Variants in DNAJC1 observed in about 807,000 individuals in gnomAD.
DNAJC1 encodes the protein dnaJ homolog subfamily C member 1.
Under a neutral mutation model 76.6 loss-of-function variants are expected in DNAJC1, and 58 were observed. That is an observed-to-expected ratio of 0.76 (90% CI 0.61 to 0.94). The LOEUF (loss-of-function observed/expected upper bound fraction) is 0.94. Among genes scored for constraint, DNAJC1 ranks in the 40% least tolerant of loss-of-function variants. DNAJC1 has a pLI of 0.00. For missense variants in DNAJC1, 689 were observed against 677.3 expected (o/e 1.02, Z -0.19); for synonymous variants, 258 against 267.9 (o/e 0.96, Z 0.36).
chr10:21,851,390 G>A (rs998869153), intron 8 of DNAJC1, among the ~76,000 whole-genome samples: 5 of 152,082 alleles, frequency 3.3e-5, no homozygotes, highest in African/African-American at 1.2e-4. Context: ...TACTCACTAG[G>A]GGAATGCAAA....
In DNAJC1 at chr10:21,756,743, C is replaced by T. The variant is rs933879290; in HGVS notation, c.1609G>A (p.Ala537Thr). The change falls in exon 12 of 12, where the codon GCT (alanine) becomes ACT (threonine). Residue 537 changes from alanine (A) to threonine (T), a missense_variant. By Grantham distance (58) the Ala-to-Thr change is moderately conservative. Transcript: ENST00000376980. The part of the protein sequence containing the change: ...VPSKSKEDCI[A>T]RYKLLVELVQ... The stretch of plus-strand genomic sequence containing the variant: ...AGTTCAACCAGCAACTTGTACCTAG[C>T]GATACAGTCTTCCTGTAGGAAGAAA... 3.1e-6 allele frequency: 5 copies of T among 1,613,292 alleles called. No homozygotes were observed. The highest frequency in any genetic ancestry group is 2.2e-5 in the East Asian group (1 of 44,890).
At chr10:21,909,347 G>C (rs1052799858) in intron 6 of DNAJC1, among the ~76,000 whole-genome samples, 1 of 152,104 alleles carries the variant, frequency 6.6e-6, no homozygotes, top group Non-Finnish European at 1.5e-5. Flanking sequence ...ATTAAACAGG[G>C]ATATTTATGC....
At chr10:21,892,805 A>G (rs1836480516) in intron 7 of DNAJC1, among the ~76,000 whole-genome samples, 1 of 152,198 alleles carries the variant, frequency 6.6e-6, no homozygotes, top group South Asian at 2.1e-4. Flanking sequence ...GAGACATTAT[A>G]TAATGATAAA....
chr10:21,950,201 G>A (rs1837569067), intron 1 of DNAJC1, among the ~76,000 whole-genome samples: 1 of 152,068 alleles, frequency 6.6e-6, no homozygotes, highest in Non-Finnish European at 1.5e-5. Context: ...GTGTATGGGT[G>A]CCATTTTTCC....
At chr10:21,895,557 T>A (rs1012389430) in intron 7 of DNAJC1, among the ~76,000 whole-genome samples, 4 of 152,286 alleles carry the variant, frequency 2.6e-5, no homozygotes, top group African/African-American at 9.6e-5. Flanking sequence ...AAATTAAATA[T>A]AAAATTTGTA....
chr10:21,891,116 G>A (rs1836453930), intron 7 of DNAJC1, among the ~76,000 whole-genome samples: 1 of 152,114 alleles, frequency 6.6e-6, no homozygotes, highest in South Asian at 2.1e-4. Flanking sequence ...CTTGAACCCA[G>A]GAGGCGGAGG....
At chr10:21,858,494 C>T (rs2066271) in intron 8 of DNAJC1, among the ~76,000 whole-genome samples, 113,636 of 152,130 alleles carry the variant, frequency 0.75, 43,163 homozygotes, top group East Asian at 0.99. Flanking sequence ...CAATAATAAC[C>T]GTAAGACAAG....
intron 1 of DNAJC1, among the ~76,000 whole-genome samples, chr10:21,954,217 T>A (rs1306089548): frequency 1.3e-5 from 2 of 152,086 alleles, no homozygotes; most frequent in African/African-American, 2.4e-5. Flanking sequence ...AAAGAGGAAA[T>A]AAAATTATGA....
At chr10:21,780,783 T>A (rs1834518383) in intron 9 of DNAJC1, among the ~76,000 whole-genome samples, 1 of 152,138 alleles carries the variant, frequency 6.6e-6, no homozygotes, top group Non-Finnish European at 1.5e-5. Context: ...ATGCTCCAAT[T>A]AAAAGACACA....
At chr10:21,938,003 A>G (rs1474707254) in intron 1 of DNAJC1, among the ~76,000 whole-genome samples, 1 of 152,150 alleles carries the variant, frequency 6.6e-6, no homozygotes, top group Non-Finnish European at 1.5e-5. Flanking sequence ...TAAAAGAATA[A>G]AACTGAAAAG....
intron 9 of DNAJC1, among the ~76,000 whole-genome samples, chr10:21,785,991 C>T (rs2131630896): frequency 6.6e-6 from 1 of 152,242 alleles, no homozygotes; most frequent in Non-Finnish European, 1.5e-5. Flanking sequence ...ACTTCAGGCT[C>T]CATTTAACGT....
chr10:21,954,158 T>C (rs1837644676), intron 1 of DNAJC1, among the ~76,000 whole-genome samples: 1 of 152,176 alleles, frequency 6.6e-6, no homozygotes, highest in Non-Finnish European at 1.5e-5. Flanking sequence ...GAAACACAAA[T>C]ACTTACTCGG....
rs181346570 is a variant in DNAJC1 at position 21,892,951 on chromosome 10, A to G, written c.821-10512T>C. Among the ~76,000 whole-genome samples, 335 of 152,284 alleles carry G rather than the reference A, an allele frequency of 2.2e-3. 3 individuals are homozygous for G. The highest frequency in any genetic ancestry group is 7.7e-3 in the African/African-American group (319 of 41,556). ...GTCAAAAAGTCCAATACCCCCTCTC[A>G]ATAATTAATAGCATAACTAAATATA... is the stretch of plus-strand genomic sequence containing the variant. On this transcript the variant is annotated intron_variant, in intron 7 of 11. Coordinates refer to ENST00000376980, the MANE Select transcript of DNAJC1 (RefSeq NM_022365.4).
At chr10:21,983,232 GATAA>G (rs1241305514) in intron 1 of DNAJC1, among the ~76,000 whole-genome samples, 2 of 152,072 alleles carry the variant, frequency 1.3e-5, no homozygotes, top group Non-Finnish European at 2.9e-5. Flanking sequence ...TAGATAAACG[GATAA>G]ATAAAAGTGG....
chr10:21,949,459 C>T (rs1179482007), intron 1 of DNAJC1, among the ~76,000 whole-genome samples: 1 of 133,144 alleles, frequency 7.5e-6, no homozygotes, highest in Non-Finnish European at 1.5e-5. Flanking sequence ...CTTTGTTGCC[C>T]AGGCTAGAGT....
chr10:21,789,095 C>T (rs1175386813), intron 9 of DNAJC1, among the ~76,000 whole-genome samples: 1 of 152,128 alleles, frequency 6.6e-6, no homozygotes, highest in African/African-American at 2.4e-5. Flanking sequence ...GTAGGCCATG[C>T]CAGATCTGAC....
At chr10:21,790,608 A>T (rs1310829407) in intron 9 of DNAJC1, among the ~76,000 whole-genome samples, 1 of 152,124 alleles carries the variant, frequency 6.6e-6, no homozygotes, top group South Asian at 2.1e-4. Flanking sequence ...AACTAAGAGA[A>T]TTCATCACCA....
chr10:21,909,825 C>G (rs533395680), intron 6 of DNAJC1, among the ~76,000 whole-genome samples: 3 of 152,294 alleles, frequency 2.0e-5, no homozygotes, highest in African/African-American at 7.2e-5. Flanking sequence ...AGGTGGTGAA[C>G]ACATCATTGC....
chr10:21,947,442 T>C (rs537534916), intron 1 of DNAJC1, among the ~76,000 whole-genome samples: 2 of 152,308 alleles, frequency 1.3e-5, no homozygotes, highest in East Asian at 3.9e-4. Context: ...GTCTACTCAA[T>C]AAGAAGATGC....
Sources: gnomAD v4.1 joint callset for allele counts (sites outside exome capture counted in the v4.1 genomes callset) on GRCh38, gnomAD v4.1.1 for gene constraint, MANE v1.5 for transcripts, NCBI Gene and HGNC (gene_info 2026-07-23, HGNC 2026-07-21) for gene names.